The following EXOC3 variants were observed in gnomAD, a reference collection of about 807,000 sequenced individuals.
The protein encoded by EXOC3 is SEC6-like 1.
In EXOC3, 21 loss-of-function variants were observed where a neutral mutation model predicts 73.7. That is an observed-to-expected ratio of 0.29 (90% confidence interval 0.20 to 0.41). The LOEUF (loss-of-function observed/expected upper bound fraction) is 0.41, where lower values mean the gene tolerates loss of function less well. Among genes scored for constraint, EXOC3 ranks in the 10% least tolerant of loss-of-function variants. The pLI, the probability that EXOC3 is intolerant of heterozygous loss-of-function variation, is 1.00. For synonymous variants in EXOC3, 410 were observed against 389.1 expected (o/e 1.05, Z -0.63); for missense variants, 842 against 985.1 (o/e 0.85, Z 1.95).
chr5:460,587 T>C (rs139419214), intron 7 of EXOC3, among the ~76,000 whole-genome samples: 3 of 151,716 alleles, frequency 2.0e-5, no homozygotes, highest in African/African-American at 7.3e-5. Context: ...TCCATAGAGG[T>C]CTTAGCCGAG....
rs375172782 is a variant in EXOC3 at position 458,047 on chromosome 5, C to T, written c.1290+22C>T. 28 of 1,608,510 alleles carry T rather than the reference C, an allele frequency of 1.7e-5. No individual in the cohort carries two copies. In the African/African-American group the frequency reaches 3.3e-4, roughly 19 times the overall value. ...CCAGGTACCACCTGCAGGGGACTGG[C>T]ACAGTTCCGTTTCCTAGGTGGATAG... On this transcript the variant is annotated intron_variant, in intron 6 of 12. Transcript: ENST00000512944.
At chr5:457,110 C>T in intron 5 of EXOC3, 104 bp downstream of exon 5, 1 of 776,890 alleles carries the variant, frequency 1.3e-6, no homozygotes, top group Non-Finnish European at 2.2e-6. Context: ...TTAGCGTTGA[C>T]TTCCTAGGAT....
intron 1 of EXOC3, 59 bp downstream of exon 1, chr5:443,349 C>T (rs1399643507): frequency 2.6e-5 from 4 of 153,018 alleles, no homozygotes; most frequent in Admixed American, 6.5e-5. Flanking sequence ...CGCCGTCTTT[C>T]ATCCTTGCTC....
At chr5:457,083 G>T in intron 5 of EXOC3, 77 bp downstream of exon 5, 1 of 1,008,730 alleles carries the variant, frequency 9.9e-7, no homozygotes, top group Non-Finnish European at 1.5e-6. Context: ...GCAGGCAGGA[G>T]GCAGGGGGGA....
chr5:450,685 T>A (rs1256796776), intron 3 of EXOC3, among the ~76,000 whole-genome samples: 1 of 152,258 alleles, frequency 6.6e-6, no homozygotes, highest in African/African-American at 2.4e-5. Context: ...TATCCATTTT[T>A]GCTTCATGTA....
chr5:459,657 A>T (rs2561663), intron 7 of EXOC3, 198 bp downstream of exon 7: 1 of 460,196 alleles, frequency 2.2e-6, no homozygotes, highest in Admixed American at 3.9e-5. Context: ...TGGACCACAC[A>T]CCCCCTTGGG....
rs1738124181 is a variant in EXOC3, at chr5:465,624, G to A, written c.1939-94G>A. ...CCTGAGGAGTCAGGTGAAGAGGGAG[G>A]TTCCCAGTCAGGAAGGGGCTCAGCC... On this transcript the variant is annotated intron_variant, in intron 11 of 12. Coordinates refer to ENST00000512944, the MANE Select transcript of EXOC3 (RefSeq NM_007277.5). 2.0e-6 allele frequency: 3 copies of A among 1,493,392 alleles called. No homozygotes were observed. In the African/African-American group the frequency reaches 4.1e-5, roughly 20 times the overall value. The allele number at this position is 1,493,392 out of a possible 1,614,324, so 92.5% of individuals were successfully genotyped here. A position where few individuals can be genotyped will look rare whatever the true frequency, so the allele number is the denominator to read the frequency against.
chr5:445,624 G>T (rs1305045613), intron 1 of EXOC3, among the ~76,000 whole-genome samples: 2 of 152,206 alleles, frequency 1.3e-5, no homozygotes, highest in Non-Finnish European at 2.9e-5. Flanking sequence ...AAAGTGCTGG[G>T]ATTACAGGCG....
intron 10 of EXOC3, 45 bp from the exon 11 acceptor site, chr5:465,066 C>T (rs538636732): frequency 2.1e-5 from 32 of 1,497,470 alleles, no homozygotes; most frequent in Non-Finnish European, 2.7e-5. Flanking sequence ...TGCTCCTGGC[C>T]GCCAGAGCCG....
At chr5:448,994 A>C (rs1196464809) in intron 3 of EXOC3, among the ~76,000 whole-genome samples, 1 of 152,226 alleles carries the variant, frequency 6.6e-6, no homozygotes, top group Non-Finnish European at 1.5e-5. Context: ...GGTGATGCTC[A>C]GCTGGCAGCT....
chr5:458,249 A>G (rs1342221961), intron 6 of EXOC3, among the ~76,000 whole-genome samples: 2 of 152,250 alleles, frequency 1.3e-5, no homozygotes, highest in African/African-American at 4.8e-5. Context: ...GCCCAAGGTC[A>G]CTTTACTTTT....
At chr5:465,357 A>T (rs992709841) in intron 11 of EXOC3, 85 bp downstream of exon 11, 34 of 1,427,368 alleles carry the variant, frequency 2.4e-5, no homozygotes, top group Non-Finnish European at 3.2e-5. Flanking sequence ...GGGCCAGTAG[A>T]TGGGAGTGTG....
chr5:446,488 C>T (rs1464650422), intron 2 of EXOC3, 139 bp downstream of exon 2: 5 of 768,450 alleles, frequency 6.5e-6, no homozygotes, highest in Non-Finnish European at 1.0e-5. Context: ...CAGTTACTTT[C>T]AGCAGTGTAT....
chr5:450,074 C>CGT (rs1156557878), intron 3 of EXOC3, among the ~76,000 whole-genome samples: 1 of 152,078 alleles, frequency 6.6e-6, no homozygotes, highest in Non-Finnish European at 1.5e-5. Flanking sequence ...GGTGAAACCC[C>CGT]GTCTCTACTA....
chr5:464,192 G>C lies in EXOC3; in HGVS notation c.1654-98G>C, dbSNP rs1159623200. 1.6e-5 allele frequency: 19 copies of C among 1,191,730 alleles called. 1 individual carries two copies. In the South Asian group the frequency reaches 2.0e-4, roughly 13 times the overall value. The allele number at this position is 1,191,730 out of a possible 1,614,324, so 73.8% of individuals were successfully genotyped here. On this transcript the variant is annotated intron_variant, in intron 9 of 12. Coordinates refer to ENST00000512944, the MANE Select transcript of EXOC3 (RefSeq NM_007277.5). ...CCCTCCCACACTGCACGCAGCTCTC[G>C]TGGGGCGTTGAGGTGAGGAAGTGCC...
rs772714763 is a variant in EXOC3 at position 446,230 on chromosome 5, G to T, written c.25G>T (p.Val9Phe). The change falls in exon 2 of 13, where the codon GTT becomes TTT. Residue 9 changes from valine to phenylalanine, a missense_variant. Coordinates refer to ENST00000512944, the MANE Select transcript of EXOC3 (RefSeq NM_007277.5). MKETDREA[V>F]ATAVQRVAGM... ...CATGAAGGAGACAGACCGGGAGGCC[G>T]TTGCGACAGCAGTGCAAAGGGTTGC... 1 of 1,613,994 alleles carries T rather than the reference G, an allele frequency of 6.2e-7. No individual in the cohort carries two copies. Among genetic ancestry groups the T allele is most frequent in the Admixed American group, 1.7e-5 (1 of 60,030 alleles).
In EXOC3 at chr5:466,934, C is replaced by T; in HGVS notation, c.*36C>T. On this transcript the variant is annotated 3_prime_UTR_variant, in exon 13 of 13. Transcript: ENST00000512944. ...CCTGCCCTGCTCGCCCCTCCACAGC[C>T]TCGGTCCCTGCCTTTAGAAACGCGG... The T allele has an allele frequency of 3.9e-6, 6 of 1,555,044 alleles. No homozygotes were observed. The South Asian group carries it at 7.1e-5, about 18-fold the overall frequency.
chr5:466,674 G>A, intron 12 of EXOC3, 53 bp from the exon 13 acceptor site: 1 of 1,549,026 alleles, frequency 6.5e-7, no homozygotes, highest in Non-Finnish European at 8.8e-7. Context: ...CTGGCAGCGT[G>A]GTGCATCACA....
chr5:451,135 A>AT (rs36111924), intron 3 of EXOC3, among the ~76,000 whole-genome samples: 21,368 of 151,862 alleles, frequency 0.14, 1,934 homozygotes, highest in Non-Finnish European at 0.2. Context: ...TTATTTCTGC[A>AT]TTTTTTTTGT....
Sources: allele counts gnomAD v4.1 joint callset (sites outside exome capture counted in the v4.1 genomes callset), GRCh38; gene constraint gnomAD v4.1.1; transcripts MANE v1.5; gene names NCBI Gene and HGNC (gene_info 2026-07-23, HGNC 2026-07-21).